The following ALDH1L1 variants were observed in gnomAD, a reference collection of about 807,000 sequenced individuals.
The protein encoded by ALDH1L1 is cytosolic 10-formyltetrahydrofolate dehydrogenase.
Under a neutral mutation model 101.1 loss-of-function variants are expected in ALDH1L1, and 68 were observed. That is an observed-to-expected ratio of 0.67 (90% CI 0.55 to 0.82). ALDH1L1 has a LOEUF of 0.82. Ranked by LOEUF, ALDH1L1 falls within the 40% of genes least tolerant of loss-of-function variation. The probability of loss-of-function intolerance (pLI) is 0.00; values close to 1 mark genes in which losing one functional copy is unlikely to be tolerated. For missense variants in ALDH1L1, 1,087 were observed against 1,172.7 expected, an observed-to-expected ratio of 0.93 and a Z score of 1.07; for synonymous variants, 486 against 470.8, an observed-to-expected ratio of 1.03 and a Z score of -0.42.
At chr3:126,180,967 A>G (rs769295415), upstream of ALDH1L1, 5 of 1,610,984 alleles carry the variant, frequency 3.1e-6, no homozygotes, top group African/African-American at 2.7e-5. Context: ...AGTACCTGCC[A>G]TGTGCTACGG....
chr3:126,148,087 C>G (rs1209053010), intron 8 of ALDH1L1, among the ~76,000 whole-genome samples: 1 of 152,168 alleles, frequency 6.6e-6, no homozygotes, highest in Admixed American at 6.5e-5. Flanking sequence ...ACCAGTTGTC[C>G]CCTACTGGAT....
chr3:126,135,462 C>A, intron 12 of ALDH1L1, 73 bp downstream of exon 12: 1 of 1,552,498 alleles, frequency 6.4e-7, no homozygotes, highest in Non-Finnish European at 8.7e-7. Context: ...AGGGCCTCCA[C>A]AGAAGTCCCC....
chr3:126,113,023 C>G (rs1313150571), intron 18 of ALDH1L1, 143 bp from the exon 19 acceptor site: 9 of 679,238 alleles, frequency 1.3e-5, no homozygotes, highest in Non-Finnish European at 2.3e-5. Context: ...CCACTCAATC[C>G]TCAGTCACCT....
At chr3:126,141,206 A>T (rs2080560926) in intron 9 of ALDH1L1, among the ~76,000 whole-genome samples, 1 of 152,146 alleles carries the variant, frequency 6.6e-6, no homozygotes, top group Admixed American at 6.5e-5. Context: ...CTGCAAGAGG[A>T]TATAACAATT....
intron 19 of ALDH1L1, among the ~76,000 whole-genome samples, chr3:126,112,049 T>C (rs958774397): frequency 2.6e-5 from 4 of 152,206 alleles, no homozygotes; most frequent in African/African-American, 7.2e-5. Context: ...ATATCCGAGC[T>C]GCTTGGAGAG....
intron 17 of ALDH1L1, chr3:126,115,091 G>A (rs1288643087): frequency 8.7e-6 from 4 of 457,220 alleles, no homozygotes; most frequent in Non-Finnish European, 1.8e-5. Context: ...TCCTATTACA[G>A]CCCCGGTGCC....
intron 1 of ALDH1L1, among the ~76,000 whole-genome samples, chr3:126,177,751 C>A (rs1417060116): frequency 6.6e-6 from 1 of 152,172 alleles, no homozygotes; most frequent in Non-Finnish European, 1.5e-5. Flanking sequence ...CCAAGTATAA[C>A]AAAATTGGCC....
upstream of ALDH1L1, chr3:126,180,897 G>A: frequency 6.3e-7 from 1 of 1,595,272 alleles, no homozygotes; most frequent in Non-Finnish European, 8.5e-7. Context: ...GGTCAGAGGA[G>A]ACCCTCGCCA....
chr3:126,132,392 G>A lies in ALDH1L1; in HGVS notation c.1473-858C>T, dbSNP rs116937059. On this transcript the variant is annotated intron_variant, in intron 12 of 22. Transcript: ENST00000393434. ...CACCTGCCTACACCCACCAGGACCC[G>A]TGACAGCTGTCCACGCCACTCAGGA... Among the ~76,000 whole-genome samples, 42 of 152,320 alleles carry A rather than the reference G, an allele frequency of 2.8e-4. No homozygotes were observed. The East Asian group carries it at 6.2e-3, about 22-fold the overall frequency.
At chr3:126,178,943 A>AAAT (rs2081418225) in intron 1 of ALDH1L1, among the ~76,000 whole-genome samples, 1 of 151,824 alleles carries the variant, frequency 6.6e-6, no homozygotes, top group African/African-American at 2.4e-5. Context: ...ACTTCTGAAA[A>AAAT]AAAAAAATAA....
chr3:126,180,672 G>C (rs1044639201), upstream of ALDH1L1: 2 of 1,350,828 alleles, frequency 1.5e-6, no homozygotes. Flanking sequence ...GAGTGGGGGC[G>C]GCGCTCACCG....
intron 6 of ALDH1L1, among the ~76,000 whole-genome samples, chr3:126,154,077 C>T (rs1302895173): frequency 6.6e-6 from 1 of 152,166 alleles, no homozygotes; most frequent in Non-Finnish European, 1.5e-5. Context: ...CAAGACTGCC[C>T]TCAAGGTTTG....
chr3:126,180,229 C>T (rs1457691800), intron 1 of ALDH1L1: 1 of 171,236 alleles, frequency 5.8e-6, no homozygotes, highest in Non-Finnish European at 1.2e-5. Flanking sequence ...CTCGGCGGGC[C>T]AGTCCTGGCG....
At chr3:126,154,817 C>A (rs761246576) in intron 5 of ALDH1L1, among the ~76,000 whole-genome samples, 174 bp from the exon 6 acceptor site, 2 of 152,168 alleles carry the variant, frequency 1.3e-5, no homozygotes, top group Non-Finnish European at 2.9e-5. Flanking sequence ...CTCTCTGACC[C>A]TCAGTCTCTC....
chr3:126,196,893 T>A (rs1576516699), intron 1 of ALDH1L1, among the ~76,000 whole-genome samples: 2 of 152,296 alleles, frequency 1.3e-5, no homozygotes, highest in South Asian at 4.1e-4. Context: ...TACTGGGCAG[T>A]CTCCATCGCC....
intron 1 of ALDH1L1, among the ~76,000 whole-genome samples, chr3:126,169,337 T>C (rs565569380): frequency 6.6e-6 from 1 of 152,346 alleles, no homozygotes; most frequent in Non-Finnish European, 1.5e-5. Flanking sequence ...AAAAACTAGT[T>C]ATAAGCATTC....
At chr3:126,180,720 C>G, upstream of ALDH1L1, 3 of 1,401,532 alleles carry the variant, frequency 2.1e-6, no homozygotes, top group South Asian at 1.6e-5. Flanking sequence ...GCACCCTCTC[C>G]GGGCGGGTCT....
At chr3:126,180,449 A>G in intron 1 of ALDH1L1, 27 bp downstream of exon 1, 1 of 988,412 alleles carries the variant, frequency 1.0e-6, no homozygotes, top group Non-Finnish European at 1.2e-6. Context: ...CCGGGAGTCC[A>G]GCGCTCTCGA....
intron 19 of ALDH1L1, 135 bp downstream of exon 19, chr3:126,112,647 C>G: frequency 1.3e-6 from 1 of 768,918 alleles, no homozygotes; most frequent in Non-Finnish European, 2.2e-6. Context: ...GGTTCCCTGA[C>G]CCCCGGGGGG....
Sources: allele counts gnomAD v4.1 joint callset (sites outside exome capture counted in the v4.1 genomes callset), GRCh38; gene constraint gnomAD v4.1.1; transcripts MANE v1.5; gene names NCBI Gene and HGNC (gene_info 2026-07-23, HGNC 2026-07-21).